Variants in ABLIM1 observed in about 807,000 individuals in gnomAD.
ABLIM1 encodes the protein actin binding LIM protein 1, also known as actin-binding LIM protein 1.
In ABLIM1, 40 loss-of-function variants were observed where a neutral mutation model predicts 107.0. That is an observed-to-expected ratio of 0.37 (90% CI 0.29 to 0.49). The LOEUF is 0.49. Ranked by LOEUF, ABLIM1 falls within the 20% of genes least tolerant of loss-of-function variation. The pLI is 0.97. For missense variants in ABLIM1, 857 were observed against 1,008.5 expected, an observed-to-expected ratio of 0.85 and a Z score of 2.04; for synonymous variants, 357 against 357.3, an observed-to-expected ratio of 1.00 and a Z score of 0.01.
chr10:114,707,756 C>T lies in ABLIM1; in HGVS notation c.-213+60305G>A, dbSNP rs1221823240. Among the ~76,000 whole-genome samples, 1 of 152,014 alleles carries T rather than the reference C, an allele frequency of 6.6e-6. No individual in the cohort carries two copies. Among genetic ancestry groups the T allele is most frequent in the Non-Finnish European group, 1.5e-5 (1 of 68,008 alleles). ...TCTCTACTAAAAATACAAAAATTAG[C>T]CAGGCGTGGTGGCGGGTGCCTGTCA... On this transcript the variant is annotated intron_variant, in intron 1 of 15. Coordinates refer to the ABLIM1 transcript ENST00000651092. This position sits in a 1 kb window ranked among gnomAD's most constrained non-coding sequence, Gnocchi z 4.1.
intron 15 of ABLIM1, 134 bp downstream of exon 15, chr10:114,447,746 A>G (rs2061237614): frequency 7.9e-7 from 1 of 1,264,528 alleles, no homozygotes; most frequent in Non-Finnish European, 1.1e-6. Flanking sequence ...AGTTCTTTTC[A>G]CTATGCTACC....
chr10:114,443,672 T>TAAAAAAAAAAA (rs11418258), intron 17 of ABLIM1, among the ~76,000 whole-genome samples: 4 of 107,382 alleles, frequency 3.7e-5, no homozygotes, highest in South Asian at 3.4e-4. Flanking sequence ...TCATGTTATC[T>TAAAAAAAAAAA]AAAAAAAAAA....
chr10:114,712,571 T>C (rs2081576860), intron 1 of ABLIM1, among the ~76,000 whole-genome samples: 1 of 152,168 alleles, frequency 6.6e-6, no homozygotes, highest in Non-Finnish European at 1.5e-5. Context: ...CACCTCCTAT[T>C]TACCCAGCTC....
chr10:114,683,786 G>A (rs563350411), intron 1 of ABLIM1, among the ~76,000 whole-genome samples: 4 of 152,182 alleles, frequency 2.6e-5, no homozygotes, highest in Non-Finnish European at 4.4e-5. Flanking sequence ...TCTGTTGGAC[G>A]TGGTGTTGGC....
chr10:114,457,098 G>A (rs1166389362), intron 12 of ABLIM1, among the ~76,000 whole-genome samples: 4 of 152,008 alleles, frequency 2.6e-5, no homozygotes, highest in African/African-American at 4.8e-5. Flanking sequence ...TATCACAACC[G>A]CTCATCGGGG....
intron 13 of ABLIM1, among the ~76,000 whole-genome samples, chr10:114,451,973 C>T (rs535970603): frequency 2.6e-5 from 4 of 151,890 alleles, no homozygotes; most frequent in Non-Finnish European, 4.4e-5. Context: ...CAGGAAGAAA[C>T]GCAAGCAGTG....
At chr10:114,769,444 AAAGAAAGAAAG>A (rs1186067806), upstream of ABLIM1, among the ~76,000 whole-genome samples, 1 of 47,766 alleles carries the variant, frequency 2.1e-5, no homozygotes, top group Admixed American at 1.6e-4. Context: ...AGAAAGAAAG[AAAGAAAGAAAG>A]AAAGAAAGAA....
chr10:114,694,817 G>T (rs889664651), intron 1 of ABLIM1, among the ~76,000 whole-genome samples: 2 of 152,126 alleles, frequency 1.3e-5, no homozygotes, highest in Admixed American at 6.5e-5. Context: ...AATAATAATT[G>T]GTTGATAAAA....
chr10:114,653,548 AC>A (rs1341442416), intron 1 of ABLIM1, among the ~76,000 whole-genome samples: 2 of 152,190 alleles, frequency 1.3e-5, no homozygotes, highest in East Asian at 1.9e-4. Flanking sequence ...TGTCTCAGAA[AC>A]AAAACCAAAC....
At chr10:114,581,687 T>G (rs920868470) in intron 2 of ABLIM1, among the ~76,000 whole-genome samples, 27 of 152,202 alleles carry the variant, frequency 1.8e-4, no homozygotes, top group African/African-American at 6.3e-4. Flanking sequence ...TTTCTTCTCT[T>G]TTCTAGGAAA....
intron 1 of ABLIM1, among the ~76,000 whole-genome samples, chr10:114,729,380 G>T (rs1008494103): frequency 1.3e-5 from 2 of 152,044 alleles, no homozygotes; most frequent in African/African-American, 4.8e-5. Flanking sequence ...GGGAAATGAG[G>T]ACTCTATTTT....
At chr10:114,678,899 C>T (rs2141523743) in intron 1 of ABLIM1, among the ~76,000 whole-genome samples, 1 of 152,254 alleles carries the variant, frequency 6.6e-6, no homozygotes, top group African/African-American at 2.4e-5. Flanking sequence ...CATGTCTATT[C>T]ATGCCAATAC....
chr10:114,516,433 A>C (rs1457341449), intron 6 of ABLIM1, among the ~76,000 whole-genome samples: 1 of 152,124 alleles, frequency 6.6e-6, no homozygotes, highest in African/African-American at 2.4e-5. Context: ...CTGAGGCAGG[A>C]GAACAGCTTG....
At chr10:114,491,546 A>G (rs2059001587) in intron 7 of ABLIM1, among the ~76,000 whole-genome samples, 1 of 152,130 alleles carries the variant, frequency 6.6e-6, no homozygotes, top group African/African-American at 2.4e-5. Flanking sequence ...GTCGAGTTCC[A>G]TTCATTTGAT....
chr10:114,724,332 T>C (rs1299656249), intron 1 of ABLIM1, among the ~76,000 whole-genome samples: 1 of 152,080 alleles, frequency 6.6e-6, no homozygotes, highest in African/African-American at 2.4e-5. Context: ...AGAGAGAATA[T>C]AGATGAAAGT....
At chr10:114,785,303 A>G in the ABLIM1 span, among the ~76,000 whole-genome samples, 1 of 152,230 alleles carries the variant, frequency 6.6e-6, no homozygotes, top group East Asian at 1.9e-4. Context: ...AGTACTGAGT[A>G]CACTGTCACA....
chr10:114,658,737 A>C (rs890772793), upstream of ABLIM1, among the ~76,000 whole-genome samples: 3 of 152,214 alleles, frequency 2.0e-5, no homozygotes, highest in Non-Finnish European at 4.4e-5. Flanking sequence ...GCTCTCAGCC[A>C]TAGTAAACGA....
At chr10:114,601,537 A>G (rs1008960516) in intron 2 of ABLIM1, among the ~76,000 whole-genome samples, 1 of 152,100 alleles carries the variant, frequency 6.6e-6, no homozygotes, top group Non-Finnish European at 1.5e-5. Flanking sequence ...AAGTGCTGGG[A>G]TTATAGGCGT....
intron 7 of ABLIM1, among the ~76,000 whole-genome samples, chr10:114,489,243 C>G (rs1011139406): frequency 1.3e-5 from 2 of 152,182 alleles, no homozygotes; most frequent in Non-Finnish European, 2.9e-5. Context: ...TTTGGAACTC[C>G]TGACCTCAAG....
Sources: allele counts gnomAD v4.1 joint callset (sites outside exome capture counted in the v4.1 genomes callset), GRCh38; gene constraint gnomAD v4.1.1; non-coding constraint Gnocchi (gnomAD v3.1); transcripts MANE v1.5; gene names NCBI Gene and HGNC (gene_info 2026-07-23, HGNC 2026-07-21).